The following NFIB variants were observed in gnomAD, a reference collection of about 807,000 sequenced individuals.
NFIB encodes nuclear factor I B, also known as nuclear factor 1 B-type.
A neutral mutation model predicts 61.5 loss-of-function variants in NFIB; 11 were observed. The observed-to-expected ratio is 0.18, with a 90% CI of 0.11 to 0.30. The LOEUF (loss-of-function observed/expected upper bound fraction) is 0.30, where lower values mean the gene tolerates loss of function less well. Among genes scored for constraint, NFIB ranks in the 10% least tolerant of loss-of-function variants. NFIB has a pLI of 1.00. For synonymous variants in NFIB, 260 were observed against 216.5 expected (o/e 1.20, Z -1.76); for missense variants, 471 against 608.9 (o/e 0.77, Z 2.38).
At chr9:14,218,996 A>T (rs546950913) in intron 2 of NFIB, among the ~76,000 whole-genome samples, 4 of 152,138 alleles carry the variant, frequency 2.6e-5, no homozygotes, top group Admixed American at 6.5e-5. Context: ...ACTAGATACC[A>T]TTAAATAGTT....
intron 1 of NFIB, among the ~76,000 whole-genome samples, chr9:14,363,436 G>T (rs567933451): frequency 6.6e-6 from 1 of 152,176 alleles, no homozygotes; most frequent in African/African-American, 2.4e-5. Context: ...TTGGTTAAGC[G>T]GTATCATTGT....
chr9:14,169,289 G>A (rs909627131), intron 3 of NFIB, among the ~76,000 whole-genome samples: 4 of 152,068 alleles, frequency 2.6e-5, no homozygotes, highest in Non-Finnish European at 5.9e-5. Context: ...GCTGAATACT[G>A]CAGGAACACA....
the NFIB span, among the ~76,000 whole-genome samples, chr9:14,421,436 G>A: frequency 1.3e-5 from 2 of 152,182 alleles, no homozygotes; most frequent in African/African-American, 4.8e-5. Flanking sequence ...CATAAGATAA[G>A]ATGTAAAAGC....
At chr9:14,407,582 A>G in the NFIB span, among the ~76,000 whole-genome samples, 1 of 152,226 alleles carries the variant, frequency 6.6e-6, no homozygotes, top group Non-Finnish European at 1.5e-5. Flanking sequence ...TCCCCAAGGA[A>G]AACATGAATT....
At position 14,308,709 on chromosome 9, in the gene NFIB, G is replaced by A. The variant is rs552719210; in HGVS notation, c.31-1189C>T. Among the ~76,000 whole-genome samples, 100 of 152,300 alleles carry A rather than the reference G, an allele frequency of 6.6e-4. 1 individual carries two copies. The highest frequency in any genetic ancestry group is 1.3e-3 in the Non-Finnish European group (89 of 68,036). On this transcript the variant is annotated intron_variant, in intron 1 of 10. Transcript: ENST00000380953. ...TGGGTGCATATATGCATGTGCATGT[G>A]AATTTGCAGATACATAGATTATAGA...
At chr9:14,303,662 CCAA>C (rs1019917694) in intron 2 of NFIB, among the ~76,000 whole-genome samples, 2 of 152,210 alleles carry the variant, frequency 1.3e-5, no homozygotes, top group Non-Finnish European at 2.9e-5. Context: ...CGGATGCCAA[CCAA>C]CGAATCAAAG....
intron 1 of NFIB, among the ~76,000 whole-genome samples, chr9:14,356,069 G>C (rs1040938484): frequency 6.6e-6 from 1 of 152,034 alleles, no homozygotes; most frequent in Admixed American, 6.5e-5. Flanking sequence ...TGTGTGGCCA[G>C]TGCTAGCTGA....
At chr9:14,167,172 G>A (rs1206897971) in intron 3 of NFIB, among the ~76,000 whole-genome samples, 1 of 151,740 alleles carries the variant, frequency 6.6e-6, no homozygotes, top group African/African-American at 2.4e-5. Context: ...ATCTGAAGAT[G>A]AGGGTAGACG....
chr9:14,311,450 T>G (rs1367171111), intron 1 of NFIB, among the ~76,000 whole-genome samples: 1 of 152,168 alleles, frequency 6.6e-6, no homozygotes, highest in African/African-American at 2.4e-5. Flanking sequence ...AAGTGAAAAT[T>G]CTTAAGCTGA....
chr9:14,480,638 T>C, the NFIB span, among the ~76,000 whole-genome samples: 1 of 152,138 alleles, frequency 6.6e-6, no homozygotes, highest in South Asian at 2.1e-4. Flanking sequence ...AGCTTGTACC[T>C]AATCAATGTA....
intron 2 of NFIB, among the ~76,000 whole-genome samples, chr9:14,270,270 T>C (rs1051993181): frequency 3.3e-5 from 5 of 152,144 alleles, no homozygotes; most frequent in Admixed American, 3.3e-4. Flanking sequence ...ACTATTATTA[T>C]TTATCATTTC....
intron 1 of NFIB, among the ~76,000 whole-genome samples, chr9:14,324,170 T>G (rs1020958020): frequency 1.3e-5 from 2 of 152,194 alleles, no homozygotes; most frequent in African/African-American, 2.4e-5. Context: ...TTAGCGAGTA[T>G]AGCTATAACT....
chr9:14,152,427 A>G (rs1344626031), intron 4 of NFIB, among the ~76,000 whole-genome samples: 1 of 152,110 alleles, frequency 6.6e-6, no homozygotes, highest in Non-Finnish European at 1.5e-5. Context: ...CATGTTCTAT[A>G]TGACACTGGA....
At chr9:14,316,140 CATCAAGCAT>C (rs1487300452), upstream of NFIB, among the ~76,000 whole-genome samples, 28 of 152,204 alleles carry the variant, frequency 1.8e-4, no homozygotes, top group African/African-American at 6.5e-4. Flanking sequence ...GAGTTATCCA[CATCAAGCAT>C]TTCACAACGA....
intron 2 of NFIB, among the ~76,000 whole-genome samples, chr9:14,209,850 T>C (rs1329009951): frequency 6.6e-6 from 1 of 152,048 alleles, no homozygotes; most frequent in East Asian, 1.9e-4. Flanking sequence ...AAGTACAGGA[T>C]ACATTTTAAA....
At chr9:14,295,433 T>C (rs2059372404) in intron 2 of NFIB, among the ~76,000 whole-genome samples, 1 of 151,994 alleles carries the variant, frequency 6.6e-6, no homozygotes, top group Non-Finnish European at 1.5e-5. Flanking sequence ...GAGATCATCC[T>C]GGCTAACACT....
At chr9:14,335,812 T>C (rs1222332048) in intron 1 of NFIB, among the ~76,000 whole-genome samples, 1 of 152,234 alleles carries the variant, frequency 6.6e-6, no homozygotes, top group East Asian at 1.9e-4. Flanking sequence ...TTATGTTTTA[T>C]ATTGAGATCT....
At chr9:14,220,991 A>T (rs1000348625) in intron 2 of NFIB, among the ~76,000 whole-genome samples, 1 of 151,984 alleles carries the variant, frequency 6.6e-6, no homozygotes, top group Admixed American at 6.6e-5. Flanking sequence ...CCTCACCCGA[A>T]AAGTCTGAAC....
At chr9:14,410,876 T>C in the NFIB span, among the ~76,000 whole-genome samples, 1 of 152,206 alleles carries the variant, frequency 6.6e-6, no homozygotes, top group Admixed American at 6.5e-5. Context: ...TTCCTTCTCA[T>C]TTCTATTGAT....
Sources: allele counts gnomAD v4.1 joint callset (sites outside exome capture counted in the v4.1 genomes callset), GRCh38; gene constraint gnomAD v4.1.1; transcripts MANE v1.5; gene names NCBI Gene and HGNC (gene_info 2026-07-23, HGNC 2026-07-21).